The following RGPD2 variants were observed in gnomAD, a reference collection of about 807,000 sequenced individuals.
The protein encoded by RGPD2 is RANBP2-like and GRIP domain-containing protein 2.
RGPD2 carries 2 observed loss-of-function variants against 36.0 expected under a neutral mutation model. That is an observed-to-expected ratio of 0.06 (90% CI 0.02 to 0.17). The LOEUF (loss-of-function observed/expected upper bound fraction) is 0.17. Ranked by LOEUF, RGPD2 falls within the 10% of genes least tolerant of loss-of-function variation. RGPD2 has a pLI of 1.00. For synonymous variants in RGPD2, 19 were observed against 163.8 expected, an observed-to-expected ratio of 0.12 and a Z score of 6.75; for missense variants, 40 against 464.3, an observed-to-expected ratio of 0.09 and a Z score of 8.40.
the RGPD2 span, among the ~76,000 whole-genome samples, chr2:87,984,680 C>A: frequency 4.8e-5 from 7 of 146,200 alleles, no homozygotes; most frequent in African/African-American, 1.8e-4. Flanking sequence ...CCTGTAATCC[C>A]AGCACTTTGG....
chr2:87,840,129 G>A, the RGPD2 span, among the ~76,000 whole-genome samples: 1 of 134,958 alleles, frequency 7.4e-6, no homozygotes, highest in Non-Finnish European at 1.6e-5. Flanking sequence ...GTTAAGATGT[G>A]GTCATGAAGG....
chr2:87,976,295 T>C, the RGPD2 span, among the ~76,000 whole-genome samples: 1 of 152,156 alleles, frequency 6.6e-6, no homozygotes, highest in African/African-American at 2.4e-5. Flanking sequence ...TTAAAATTGA[T>C]TTAAGTGGGA....
the RGPD2 span, among the ~76,000 whole-genome samples, chr2:87,979,254 T>A: frequency 1.8e-4 from 21 of 115,994 alleles, no homozygotes; most frequent in South Asian, 3.1e-4. Context: ...AAAAAGAAAA[T>A]ATATATCCAC....
chr2:87,763,359 G>A lies in RGPD2; in HGVS notation c.5237-5933C>T, dbSNP rs553992143. 4.8e-4 allele frequency among the ~76,000 whole-genome samples: 72 copies of A among 149,300 alleles called. No individual in the cohort carries two copies. The South Asian group carries it at 0.014, about 29-fold the overall frequency. The stretch of plus-strand genomic sequence containing the variant: ...TTTTTAGTAGAGACGGGGTTTCACC[G>A]TGTTAGCCAGGATGGTCTCGGTCTC... On this transcript the variant is annotated intron_variant, in intron 22 of 22. Coordinates refer to ENST00000398146, the MANE Select transcript of RGPD2 (RefSeq NM_001078170.3).
At chr2:87,847,624 G>T in the RGPD2 span, among the ~76,000 whole-genome samples, 1 of 151,004 alleles carries the variant, frequency 6.6e-6, no homozygotes, top group East Asian at 1.9e-4. Flanking sequence ...TCAGCCTCCC[G>T]AGTAGCTGGG....
chr2:87,781,593 T>C (rs1685412173), intron 20 of RGPD2, among the ~76,000 whole-genome samples: 1 of 150,984 alleles, frequency 6.6e-6, no homozygotes, highest in Non-Finnish European at 1.5e-5. Context: ...CCTGAGTAGC[T>C]GCTAATTATA....
chr2:87,876,621 C>G, the RGPD2 span, among the ~76,000 whole-genome samples: 7 of 152,272 alleles, frequency 4.6e-5, no homozygotes, highest in Non-Finnish European at 1.0e-4. Flanking sequence ...TGTTTTACAT[C>G]TGATTATGTC....
At chr2:87,906,709 T>C in the RGPD2 span, among the ~76,000 whole-genome samples, 1 of 150,764 alleles carries the variant, frequency 6.6e-6, no homozygotes, top group African/African-American at 2.4e-5. Flanking sequence ...ATCACCTGCA[T>C]ATATTTCTGA....
the RGPD2 span, among the ~76,000 whole-genome samples, chr2:87,986,985 C>T: frequency 7.5e-6 from 1 of 133,582 alleles, no homozygotes; most frequent in Non-Finnish European, 1.6e-5. Flanking sequence ...ATATATGCAT[C>T]CACGAATAGC....
the RGPD2 span, among the ~76,000 whole-genome samples, chr2:87,957,244 G>GGC: frequency 7.2e-6 from 1 of 139,162 alleles, no homozygotes; most frequent in Non-Finnish European, 1.6e-5. Context: ...ACTGGGGGGG[G>GGC]GCTCTCATTA....
the RGPD2 span, among the ~76,000 whole-genome samples, chr2:87,972,070 T>C: frequency 1.3e-5 from 2 of 151,728 alleles, no homozygotes; most frequent in Admixed American, 6.6e-5. Context: ...AAGTAAAAGA[T>C]AGGACTAAAT....
chr2:87,969,657 CA>C, the RGPD2 span, among the ~76,000 whole-genome samples: 629 of 40,500 alleles, frequency 0.016, 7 homozygotes, highest in Non-Finnish European at 0.019. Context: ...GATGCCGTCT[CA>C]AAAAAAAAAA....
the RGPD2 span, among the ~76,000 whole-genome samples, chr2:87,866,653 C>T: frequency 1.3e-5 from 2 of 152,268 alleles, no homozygotes; most frequent in African/African-American, 4.8e-5. Flanking sequence ...CTTCTCACCC[C>T]CCTTCCCTCC....
At chr2:87,894,613 AG>A in the RGPD2 span, among the ~76,000 whole-genome samples, 1 of 152,114 alleles carries the variant, frequency 6.6e-6, no homozygotes, top group African/African-American at 2.4e-5. Flanking sequence ...GCGAGGAAAC[AG>A]CAATTAGCAA....
chr2:87,861,571 T>A, the RGPD2 span, among the ~76,000 whole-genome samples: 1 of 152,346 alleles, frequency 6.6e-6, no homozygotes, highest in South Asian at 2.1e-4. Flanking sequence ...TGGTAATAGC[T>A]AAGCTTGTTC....
the RGPD2 span, among the ~76,000 whole-genome samples, chr2:87,877,915 C>A: frequency 6.6e-6 from 1 of 151,424 alleles, no homozygotes; most frequent in East Asian, 1.9e-4. Context: ...TGATAGGCTT[C>A]CCCTTTGTAG....
chr2:87,988,417 T>C, the RGPD2 span, among the ~76,000 whole-genome samples: 9 of 29,200 alleles, frequency 3.1e-4, no homozygotes, highest in Non-Finnish European at 8.9e-4. Flanking sequence ...ACATCATTAA[T>C]ACATTACAGA....
the RGPD2 span, among the ~76,000 whole-genome samples, chr2:87,892,216 T>C: frequency 6.7e-6 from 1 of 150,092 alleles, no homozygotes; most frequent in Non-Finnish European, 1.5e-5. Flanking sequence ...CAGAAAAGTA[T>C]TGATGTTGCA....
chr2:87,929,475 T>TTGTGTGTG, the RGPD2 span, among the ~76,000 whole-genome samples: 2 of 147,382 alleles, frequency 1.4e-5, no homozygotes, highest in Non-Finnish European at 3.0e-5. Flanking sequence ...TTTGTTTTTT[T>TTGTGTGTG]TGTGTGTGTG....
Sources: gnomAD v4.1 joint callset for allele counts (sites outside exome capture counted in the v4.1 genomes callset) on GRCh38, gnomAD v4.1.1 for gene constraint, MANE v1.5 for transcripts, NCBI Gene and HGNC (gene_info 2026-07-23, HGNC 2026-07-21) for gene names.